Variants in SLC2A11 observed in about 807,000 individuals in gnomAD.
SLC2A11 encodes solute carrier family 2 member 11.
SLC2A11 carries 43 observed loss-of-function variants against 52.1 expected under a neutral mutation model. That is an observed-to-expected ratio of 0.82 (90% CI 0.65 to 1.06). The LOEUF (loss-of-function observed/expected upper bound fraction) is 1.06, where lower values mean the gene tolerates loss of function less well. SLC2A11 is among the 50% of genes least tolerant of loss of function. The probability of loss-of-function intolerance (pLI) is 0.00; values close to 1 mark genes in which losing one functional copy is unlikely to be tolerated. For missense variants in SLC2A11, 582 were observed against 654.2 expected, an observed-to-expected ratio of 0.89 and a Z score of 1.20; for synonymous variants, 261 against 277.6, an observed-to-expected ratio of 0.94 and a Z score of 0.59.
chr22:23,877,840 A>G lies in SLC2A11; in HGVS notation c.665A>G (p.Asp222Gly). The change falls in exon 6 of 12, where the codon GAC (aspartate) becomes GGC (glycine). Residue 222 changes from aspartate (D) to glycine (G), a missense_variant. Physicochemically the swap from Asp to Gly is moderately conservative, Grantham distance 94. Transcript: ENST00000316185. ...LPESPRYLLI[D>G]CGDTEACLAA... Reference sequence around the variant, plus strand: ...GAAAGCCCGCGCTACCTCCTCATTGACTGTGGAGACACCGAGGCCTGCCTG... The same window carrying G: ...GAAAGCCCGCGCTACCTCCTCATTGGCTGTGGAGACACCGAGGCCTGCCTG... The G allele has an allele frequency of 6.2e-7, 1 of 1,613,300 alleles. No individual in the cohort carries two copies. Among genetic ancestry groups the G allele is most frequent in the Non-Finnish European group, 8.5e-7 (1 of 1,179,662 alleles).
In SLC2A11 at chr22:23,877,886, G is replaced by C. The variant is rs748638772; in HGVS notation, c.694+17G>C. 6.2e-7 allele frequency: 1 copy of C among 1,602,204 alleles called. No homozygotes were observed. Among genetic ancestry groups the C allele is most frequent in the South Asian group, 1.1e-5 (1 of 88,920 alleles). On this transcript the variant is annotated intron_variant, in intron 6 of 11. Transcript: ENST00000316185. Reference sequence around the variant, plus strand: ...GCCTGGCAGGTGAGTCTCTGTCCTTGGGCTCCCAGACTGCCCTTGACCAAG... The same window carrying C: ...GCCTGGCAGGTGAGTCTCTGTCCTTCGGCTCCCAGACTGCCCTTGACCAAG...
upstream of SLC2A11, chr22:23,857,388 G>T: frequency 1.9e-6 from 3 of 1,544,778 alleles, no homozygotes; most frequent in Admixed American, 1.9e-5. Flanking sequence ...TGGCCGAGAT[G>T]ACCTTGGACC....
intron 6 of SLC2A11, among the ~76,000 whole-genome samples, chr22:23,879,001 A>T (rs761351588): frequency 6.6e-6 from 1 of 152,202 alleles, no homozygotes; most frequent in Non-Finnish European, 1.5e-5. Context: ...TGCAGTCACT[A>T]ATCTATAACA....
intron 3 of SLC2A11, chr22:23,871,623 T>G (rs1424014261): frequency 1.3e-5 from 2 of 151,482 alleles, no homozygotes; most frequent in Non-Finnish European, 2.9e-5. Context: ...GTGCCTGTAG[T>G]CCCAGCTACT....
At chr22:23,874,391 A>G (rs923228105) in intron 3 of SLC2A11, among the ~76,000 whole-genome samples, 2 of 151,962 alleles carry the variant, frequency 1.3e-5, no homozygotes, top group Non-Finnish European at 2.9e-5. Context: ...GGCTCTAGCA[A>G]TCCTCCCACC....
rs1278720511 is a variant in SLC2A11, at chr22:23,883,978, C to T, written c.1125C>T (p.Ala375=). 4.3e-6 allele frequency: 7 copies of T among 1,613,560 alleles called. No individual in the cohort carries two copies. The South Asian group carries it at 7.7e-5, about 18-fold the overall frequency. ...CCTTCCCCTGGACACTCTACCTGGC[C>T]ATGGCCTGCATCTTTGCCTTCATCC... ...QSSFPWTLYL[A]MACIFAFILS... The change falls in exon 10 of 12, where the codon GCC becomes GCT. Residue 375 remains alanine (A), a synonymous_variant. Coordinates refer to ENST00000316185, the MANE Select transcript of SLC2A11 (RefSeq NM_001024939.4).
intron 3 of SLC2A11, 27 bp from the exon 4 acceptor site, chr22:23,875,090 C>G (rs2032573511): frequency 6.5e-7 from 1 of 1,535,776 alleles, no homozygotes; most frequent in South Asian, 1.3e-5. Context: ...CACAGCCTCT[C>G]TTTCTGTGTG....
chr22:23,873,376 A>ATTTATTTATT (rs1327481542), intron 3 of SLC2A11: 3 of 148,396 alleles, frequency 2.0e-5, no homozygotes, highest in Non-Finnish European at 4.4e-5. Context: ...CAAGACCTTG[A>ATTTATTTATT]ATTTATTTAT....
intron 1 of SLC2A11, among the ~76,000 whole-genome samples, chr22:23,859,722 C>CA (rs2031984310): frequency 6.6e-6 from 1 of 152,208 alleles, no homozygotes; most frequent in African/African-American, 2.4e-5. Flanking sequence ...CTCCTGACCT[C>CA]AAGTGGTCTG....
intron 6 of SLC2A11, chr22:23,881,510 CA>C (rs35177865): frequency 0.18 from 26,995 of 152,226 alleles, 2,524 homozygotes; most frequent in African/African-American, 0.22. Context: ...GGAGGAACTG[CA>C]AAATCACACA....
chr22:23,870,512 C>G (rs1398767422), intron 3 of SLC2A11: 1 of 157,894 alleles, frequency 6.3e-6, no homozygotes, highest in Non-Finnish European at 1.4e-5. Context: ...GTTTATCACC[C>G]AACTGAGTAA....
rs1032732258 is a variant in SLC2A11 at position 23,861,311 on chromosome 22, A to G, written c.31-793A>G. Among the ~76,000 whole-genome samples, 10 of 84,840 alleles carry G rather than the reference A, an allele frequency of 1.2e-4. 1 individual carries two copies. Among genetic ancestry groups the G allele is most frequent in the Admixed American group, 4.1e-4 (3 of 7,278 alleles). 55.7% of individuals were successfully genotyped at this position (84,840 alleles called of 152,430 possible). ...GTCTCAAAAAAAAAAAAAAAAAAAA[A>G]AAAAGAAAATCCCAACTATCCCAAC... On this transcript the variant is annotated intron_variant, in intron 1 of 11. Coordinates refer to ENST00000316185, the MANE Select transcript of SLC2A11 (RefSeq NM_001024939.4).
At chr22:23,883,149 G>A (rs1170865567) in intron 8 of SLC2A11, 2 of 459,286 alleles carry the variant, frequency 4.4e-6, no homozygotes, top group South Asian at 4.0e-5. Flanking sequence ...GTAATCCCAG[G>A]TACTTGGGAG....
intron 1 of SLC2A11, among the ~76,000 whole-genome samples, chr22:23,861,570 G>A (rs1169719250): frequency 2.0e-5 from 3 of 152,206 alleles, no homozygotes; most frequent in Non-Finnish European, 2.9e-5. Context: ...CTACTCATAT[G>A]TCCCCAAGTC....
At chr22:23,875,278 C>A in intron 4 of SLC2A11, 37 bp downstream of exon 4, 2 of 1,352,312 alleles carry the variant, frequency 1.5e-6, no homozygotes, top group Non-Finnish European at 1.9e-6. Context: ...CCTCTCTATG[C>A]CTATTAATTA....
chr22:23,870,157 C>A, intron 3 of SLC2A11: 1 of 631,020 alleles, frequency 1.6e-6, no homozygotes, highest in Non-Finnish European at 2.9e-6. Context: ...AGTAGGGGAA[C>A]AGTCGCAAAC....
At chr22:23,876,638 G>A (rs952166396) in intron 4 of SLC2A11, among the ~76,000 whole-genome samples, 1 of 152,124 alleles carries the variant, frequency 6.6e-6, no homozygotes, top group African/African-American at 2.4e-5. Context: ...ATCAATGAAG[G>A]AATTGACATG....
In SLC2A11 at chr22:23,882,413, G is replaced by C. The variant is rs1301856701; in HGVS notation, c.695-46G>C. 10 of 1,466,846 alleles carry C rather than the reference G, an allele frequency of 6.8e-6. No individual in the cohort carries two copies. In the Admixed American group the frequency reaches 2.2e-4, roughly 32 times the overall value. The allele number at this position is 1,466,846 out of a possible 1,614,324, so 90.9% of individuals were successfully genotyped here. On this transcript the variant is annotated intron_variant, in intron 6 of 11. Coordinates refer to ENST00000316185, the MANE Select transcript of SLC2A11 (RefSeq NM_001024939.4). ...GGGGCGTCCCTGTAGGGGGACCAAA[G>C]AGGGGCTTGGGGACGGGGAGCTCAG...
At position 23,877,137 on chromosome 22, in the gene SLC2A11, C is replaced by T. The variant is rs925548894; in HGVS notation, c.511C>T (p.Leu171=). Residue 171 remains leucine, a synonymous_variant, in exon 5 of 12, where the codon CTG becomes TTG. Transcript: ENST00000316185. Reference sequence around the variant, plus strand: ...CATGAGCTCAGCCATCTTTACGGCTCTGGGGATCGTGATGGGACAGGTGGT... The same window carrying T: ...CATGAGCTCAGCCATCTTTACGGCTTTGGGGATCGTGATGGGACAGGTGGT... ...VAMSSAIFTA[L]GIVMGQVVGL... is the part of the protein sequence containing the mutation. 6.2e-7 allele frequency: 1 copy of T among 1,613,464 alleles called. No individual in the cohort carries two copies. Among genetic ancestry groups the T allele is most frequent in the African/African-American group, 1.3e-5 (1 of 75,020 alleles).
Sources: allele counts gnomAD v4.1 joint callset (sites outside exome capture counted in the v4.1 genomes callset), GRCh38; gene constraint gnomAD v4.1.1; transcripts MANE v1.5; gene names NCBI Gene and HGNC (gene_info 2026-07-23, HGNC 2026-07-21).